Variants in RAB11FIP1 observed in about 807,000 individuals in gnomAD.
RAB11FIP1 encodes the protein RAB11 family interacting protein 1, also known as rab11 family-interacting protein 1.
RAB11FIP1 carries 49 observed loss-of-function variants against 83.1 expected under a neutral mutation model. That is an observed-to-expected ratio of 0.59 (90% CI 0.47 to 0.75). RAB11FIP1 has a LOEUF of 0.75. RAB11FIP1 is among the 30% of genes least tolerant of loss of function. The probability of loss-of-function intolerance (pLI) is 0.00; values close to 1 mark genes in which losing one functional copy is unlikely to be tolerated. For missense variants in RAB11FIP1, 1,536 were observed against 1,598.7 expected (o/e 0.96, Z 0.67); for synonymous variants, 670 against 656.0 (o/e 1.02, Z -0.33).
At chr8:37,879,214 A>G (rs908880013) in intron 1 of RAB11FIP1, among the ~76,000 whole-genome samples, 1 of 152,176 alleles carries the variant, frequency 6.6e-6, no homozygotes, top group East Asian at 1.9e-4. Flanking sequence ...AGGTTGAAGC[A>G]GGAGAATTGC....
At chr8:37,888,679 TG>T (rs1806885099) in intron 1 of RAB11FIP1, among the ~76,000 whole-genome samples, 1 of 152,128 alleles carries the variant, frequency 6.6e-6, no homozygotes, top group South Asian at 2.1e-4. Flanking sequence ...GGTCTCATCA[TG>T]TTGCTTAAGC....
rs199784779 is a variant in RAB11FIP1, at chr8:37,899,463, G to A, written c.-22C>T. The A allele has an allele frequency of 2.0e-5, 30 of 1,494,690 alleles. No individual in the cohort carries two copies. Among genetic ancestry groups the A allele is most frequent in the Middle Eastern group, 1.8e-4 (1 of 5,570 alleles). 92.6% of individuals were successfully genotyped at this position (1,494,690 alleles called of 1,614,324 possible). On this transcript the variant is annotated 5_prime_UTR_variant, in exon 1 of 6. Coordinates refer to ENST00000330843, the MANE Select transcript of RAB11FIP1 (RefSeq NM_001002814.3). This position sits in a 1 kb window ranked among gnomAD's most constrained non-coding sequence, Gnocchi z 4.5. ...ACATGGTGACGATAACACTCCAGAA[G>A]CGAGGAGAAGATCGCCGCGACTGGC...
At chr8:37,876,020 C>T (rs570752485) in intron 2 of RAB11FIP1, among the ~76,000 whole-genome samples, 1 of 152,120 alleles carries the variant, frequency 6.6e-6, no homozygotes, top group East Asian at 1.9e-4. Flanking sequence ...CATGGTGAAA[C>T]CCCAACTCTA....
At chr8:37,888,109 T>C (rs1806868532) in intron 1 of RAB11FIP1, among the ~76,000 whole-genome samples, 1 of 152,244 alleles carries the variant, frequency 6.6e-6, no homozygotes, top group African/African-American at 2.4e-5. Context: ...ATTATGTATC[T>C]GTTTATCTAT....
chr8:37,870,897 T>C, intron 4 of RAB11FIP1: 2 of 287,876 alleles, frequency 6.9e-6, no homozygotes, highest in Non-Finnish European at 1.3e-5. Context: ...TAAAGACAGC[T>C]CAAAACAAAC....
intron 1 of RAB11FIP1, among the ~76,000 whole-genome samples, chr8:37,891,369 A>G (rs571110130): frequency 6.6e-6 from 1 of 152,280 alleles, no homozygotes; most frequent in African/African-American, 2.4e-5. Context: ...CTCCTTCAAA[A>G]GTATAGGGTA....
chr8:37,887,530 CAAA>C (rs572127005), intron 1 of RAB11FIP1, among the ~76,000 whole-genome samples: 5 of 74,942 alleles, frequency 6.7e-5, no homozygotes, highest in South Asian at 4.5e-4. Context: ...GACGCCATCT[CAAA>C]AAAAAAAAAA....
Position 37,895,217 on chromosome 8 carries a change from CAA to C in RAB11FIP1, c.371+3852_371+3853del, listed in dbSNP as rs1563376414. ...AATAGCTGGGACTACAGGTGCCTGC[CAA>C]TATATATATATATATATATATATAT... On this transcript the variant is annotated intron_variant, in intron 1 of 5. Transcript: ENST00000330843. Among the ~76,000 whole-genome samples the C allele has an allele frequency of 3.1e-4, 10 of 32,638 alleles. 1 individual carries two copies. The South Asian group carries it at 9.6e-3, about 31-fold the overall frequency. 21.4% of individuals were successfully genotyped at this position (32,638 alleles called of 152,430 possible).
At chr8:37,869,227 CA>C (rs59449975) in intron 5 of RAB11FIP1, among the ~76,000 whole-genome samples, 96,609 of 126,904 alleles carry the variant, frequency 0.76, 36,144 homozygotes, top group East Asian at 0.96. Context: ...GATCCTGTAT[CA>C]AAAAAAAAAA....
intron 1 of RAB11FIP1, among the ~76,000 whole-genome samples, chr8:37,892,622 C>T (rs1806972030): frequency 6.6e-6 from 1 of 151,840 alleles, no homozygotes; most frequent in Non-Finnish European, 1.5e-5. Context: ...AATTTTTGTA[C>T]TTTTAGTAGA....
rs376776211 is a variant in RAB11FIP1 at position 37,877,508 on chromosome 8, G to C, written c.415C>G (p.Arg139Gly). The change falls in exon 2 of 6, where the codon CGA becomes GGA. Residue 139 changes from arginine (R) to glycine (G), a missense_variant. Coordinates refer to ENST00000330843, the MANE Select transcript of RAB11FIP1 (RefSeq NM_001002814.3). ...KSKPGKKDKERGEIEVDIQFM... is the reference protein window; with the variant it reads ...KSKPGKKDKEGGEIEVDIQFM... ...TGGATGTCAACCTCAATTTCTCCTC[G>C]CTCCTTGTCCTTCTTTCCTGGTTTG... The C allele has an allele frequency of 5.6e-6, 9 of 1,611,222 alleles. No homozygotes were observed. The highest frequency in any genetic ancestry group is 7.6e-6 in the Non-Finnish European group (9 of 1,179,782).
At chr8:37,895,236 TATATATATATATATATATATATA>T (rs1187692099) in intron 1 of RAB11FIP1, among the ~76,000 whole-genome samples, 7 of 8,084 alleles carry the variant, frequency 8.7e-4, no homozygotes, top group South Asian at 6.3e-3. Context: ...TATATATATA[TATATATATATATATATATATATA>T]TTTTTTTTTT....
At chr8:37,883,580 A>C (rs1168704199) in intron 1 of RAB11FIP1, among the ~76,000 whole-genome samples, 1 of 152,250 alleles carries the variant, frequency 6.6e-6, no homozygotes, top group Non-Finnish European at 1.5e-5. Context: ...ACAGTGCTTG[A>C]ATATCTTGCC....
chr8:37,892,400 C>A (rs1023246643), intron 1 of RAB11FIP1, among the ~76,000 whole-genome samples: 3 of 151,766 alleles, frequency 2.0e-5, no homozygotes, highest in African/African-American at 4.8e-5. Flanking sequence ...ATAAATTGGA[C>A]CGTATCAACC....
At chr8:37,867,246 A>G (rs895813043) in intron 5 of RAB11FIP1, among the ~76,000 whole-genome samples, 4 of 152,240 alleles carry the variant, frequency 2.6e-5, no homozygotes, top group Non-Finnish European at 5.9e-5. Flanking sequence ...TTCCAGGAAG[A>G]CAAGTGCTGC....
chr8:37,865,751 C>T (rs1806329482), intron 5 of RAB11FIP1, among the ~76,000 whole-genome samples: 1 of 152,150 alleles, frequency 6.6e-6, no homozygotes, highest in Non-Finnish European at 1.5e-5. Context: ...CTAATGGATG[C>T]TTAAAATCTC....
At chr8:37,882,435 A>G (rs184849672) in intron 1 of RAB11FIP1, among the ~76,000 whole-genome samples, 1 of 152,352 alleles carries the variant, frequency 6.6e-6, no homozygotes, top group East Asian at 1.9e-4. Flanking sequence ...AGCTAATAAT[A>G]TTGATTCTCA....
At position 37,880,303 on chromosome 8, in the gene RAB11FIP1, A is replaced by AT. The variant is rs1554531954; in HGVS notation, c.372-2753dup. ...CAAGATCCCATTCTCCAAAAAAAAA[A>AT]TTTTTGTTTTTTTGAGACAGAGTCT... On this transcript the variant is annotated intron_variant, in intron 1 of 5. Coordinates refer to ENST00000330843, the MANE Select transcript of RAB11FIP1 (RefSeq NM_001002814.3). 2.6e-5 allele frequency among the ~76,000 whole-genome samples: 4 copies of AT among 151,704 alleles called. No individual in the cohort carries two copies. In the South Asian group the frequency reaches 6.3e-4, roughly 24 times the overall value.
At chr8:37,885,416 C>T (rs1029944084) in intron 1 of RAB11FIP1, among the ~76,000 whole-genome samples, 4 of 152,148 alleles carry the variant, frequency 2.6e-5, no homozygotes, top group East Asian at 1.9e-4. Flanking sequence ...AGTCTCCATA[C>T]CAGAGACAAC....
Sources: gnomAD v4.1 joint callset for allele counts (sites outside exome capture counted in the v4.1 genomes callset) on GRCh38, gnomAD v4.1.1 for gene constraint, Gnocchi (gnomAD v3.1) non-coding constraint, MANE v1.5 for transcripts, NCBI Gene and HGNC (gene_info 2026-07-23, HGNC 2026-07-21) for gene names.